The following ENOX2 variants were observed in gnomAD, a reference collection of about 807,000 sequenced individuals.
ENOX2 encodes ecto-NOX disulfide-thiol exchanger 2, also known as APK1 antigen.
A neutral mutation model predicts 45.0 loss-of-function variants in ENOX2; 36 were observed. The ratio of observed to expected loss-of-function variants is 0.80; its 90% CI spans 0.61 to 1.06. The LOEUF is 1.06. ENOX2 is among the 50% of genes least tolerant of loss of function. ENOX2 has a pLI of 0.00. For missense variants in ENOX2, 423 were observed against 462.5 expected, an observed-to-expected ratio of 0.91 and a Z score of 0.78; for synonymous variants, 174 against 152.3, an observed-to-expected ratio of 1.14 and a Z score of -1.05.
intron 2 of ENOX2, among the ~76,000 whole-genome samples, chrX:130,881,618 A>G (rs1053533726): frequency 1.8e-5 from 2 of 111,941 alleles, no homozygotes; most frequent in Non-Finnish European, 1.9e-5. Flanking sequence ...CTTTACATAT[A>G]CCGATTTCTT....
intron 3 of ENOX2, among the ~76,000 whole-genome samples, chrX:130,710,062 A>G (rs1484895190): frequency 9.0e-6 from 1 of 111,719 alleles, no homozygotes; most frequent in Non-Finnish European, 1.9e-5. Flanking sequence ...AATAAGACTA[A>G]TAAGAGTCAA....
rs371681237 is a variant in ENOX2, at chrX:130,820,457, T to C, written c.-182-36767A>G. On this transcript the variant is annotated intron_variant, in intron 2 of 14. Coordinates refer to ENST00000394363, the MANE Select transcript of ENOX2 (RefSeq NM_006375.4). ...CCATATGACCTAGCAATCCCACTTT[T>C]AGGTGTCCATCCAAAGGAAATAAAT... Among the ~76,000 whole-genome samples, 3 of 112,163 alleles carry C rather than the reference T, an allele frequency of 2.7e-5. No homozygotes were observed. The East Asian group carries it at 8.4e-4, about 31-fold the overall frequency.
intron 2 of ENOX2, among the ~76,000 whole-genome samples, chrX:130,860,008 T>C (rs982634460): frequency 2.0e-4 from 22 of 109,143 alleles, no homozygotes; most frequent in Admixed American, 1.5e-3. Flanking sequence ...CAGGCTGGAG[T>C]GCAGTGGCAC....
At chrX:130,888,797 A>C (rs1172906123) in intron 2 of ENOX2, among the ~76,000 whole-genome samples, 1 of 112,075 alleles carries the variant, frequency 8.9e-6, no homozygotes, top group African/African-American at 3.2e-5. Flanking sequence ...GTTTTTGAGA[A>C]AATTTTAAAA....
intron 3 of ENOX2, among the ~76,000 whole-genome samples, chrX:130,733,803 G>A (rs1217513321): frequency 8.9e-6 from 1 of 111,876 alleles, no homozygotes; most frequent in Non-Finnish European, 1.9e-5. Flanking sequence ...TGGGCAATAT[G>A]AGAAACGGAA....
At chrX:130,784,937 A>C (rs1021227276) in intron 2 of ENOX2, among the ~76,000 whole-genome samples, 2 of 109,240 alleles carry the variant, frequency 1.8e-5, no homozygotes, top group African/African-American at 6.7e-5. Flanking sequence ...TAGCTGTACA[A>C]TTCTTGAGGT....
intron 3 of ENOX2, chrX:130,709,229 A>G (rs1293904853): frequency 8.4e-7 from 1 of 1,196,407 alleles, no homozygotes. Flanking sequence ...GCAACTGTAC[A>G]AAGTGGGGCT....
chrX:130,859,361 A>C (rs1176753631), intron 2 of ENOX2, among the ~76,000 whole-genome samples: 1 of 112,402 alleles, frequency 8.9e-6, no homozygotes, highest in East Asian at 2.8e-4. Flanking sequence ...AACAAAACAA[A>C]AAAACAAAAA....
intron 3 of ENOX2, among the ~76,000 whole-genome samples, chrX:130,717,846 C>T (rs1322720190): frequency 3.6e-5 from 4 of 111,677 alleles, no homozygotes; most frequent in Non-Finnish European, 7.5e-5. Flanking sequence ...CCTCCCTAAT[C>T]GCTTCCATCT....
intron 3 of ENOX2, among the ~76,000 whole-genome samples, chrX:130,744,807 C>A (rs1374650381): frequency 4.5e-5 from 5 of 110,990 alleles, no homozygotes; most frequent in Admixed American, 2.9e-4. Flanking sequence ...GGTACCGGTC[C>A]GTGGCCTGTT....
rs546956021 is a variant in ENOX2, at chrX:130,633,029, G to C, written c.1420-1453C>G. 4.8e-4 allele frequency among the ~76,000 whole-genome samples: 54 copies of C among 112,266 alleles called. No homozygotes were observed. In the South Asian group the frequency reaches 0.017, roughly 36 times the overall value. On this transcript the variant is annotated intron_variant, in intron 12 of 14. Transcript: ENST00000394363. The stretch of plus-strand genomic sequence containing the variant: ...TGGGAAGTTTTAGCCATCTTGAATA[G>C]AACTGCAGCCTTCCTTAAACCTGAC...
chrX:130,716,936 G>GGT lies in ENOX2; in HGVS notation c.-38-13684_-38-13683dup, dbSNP rs892987663. Among the ~76,000 whole-genome samples, 9 of 111,369 alleles carry GGT rather than the reference G, an allele frequency of 8.1e-5. No homozygotes were observed. In the East Asian group the frequency reaches 8.4e-4, roughly 10 times the overall value. On this transcript the variant is annotated intron_variant, in intron 3 of 14. Transcript: ENST00000394363. Reference sequence around the variant, plus strand: ...GACATCACCTTTAATCTATTTGTGTGGTGTGTGTGTGTGTTTATTGGCATT... The same window carrying GGT: ...GACATCACCTTTAATCTATTTGTGTGGTGTGTGTGTGTGTGTTTATTGGCATT...
Position 130,783,607 on chromosome X carries a change from C to A in ENOX2, c.-99G>T, listed in dbSNP as rs1017505600. 2 of 327,900 alleles carry A rather than the reference C, an allele frequency of 6.1e-6. No individual in the cohort carries two copies. Among genetic ancestry groups the A allele is most frequent in the Admixed American group, 3.2e-5 (1 of 31,728 alleles). The allele number at this position is 327,900 out of a possible 1,213,427, so 27.0% of individuals were successfully genotyped here. On this transcript the variant is annotated 5_prime_UTR_variant, in exon 3 of 15. The change creates a new upstream start codon in the 5' untranslated region. Coordinates refer to ENST00000394363, the MANE Select transcript of ENOX2 (RefSeq NM_006375.4). ...GATTCCCCTCCATTCTCAATGAGGCCTTCTGTGACCAGAGGGCCACTGGCA... is the reference window on the plus strand; with the variant it reads ...GATTCCCCTCCATTCTCAATGAGGCATTCTGTGACCAGAGGGCCACTGGCA...
intron 3 of ENOX2, among the ~76,000 whole-genome samples, chrX:130,749,570 C>T (rs1437175139): frequency 2.7e-5 from 3 of 110,963 alleles, no homozygotes; most frequent in Non-Finnish European, 5.7e-5. Flanking sequence ...GGGATATTTC[C>T]AAAAAGCAAT....
At chrX:130,791,596 C>T (rs1003290848) in intron 2 of ENOX2, among the ~76,000 whole-genome samples, 11 of 111,845 alleles carry the variant, frequency 9.8e-5, no homozygotes, top group Non-Finnish European at 1.9e-4. Flanking sequence ...ATTTTCAACG[C>T]GCTTATCAGA....
At chrX:130,899,392 C>G (rs2079108457) in intron 2 of ENOX2, among the ~76,000 whole-genome samples, 1 of 111,845 alleles carries the variant, frequency 8.9e-6, no homozygotes, top group African/African-American at 3.3e-5. Flanking sequence ...CTTCTGGATG[C>G]TATGGGTATG....
rs1603289170 is a variant in ENOX2 at position 130,631,504 on chromosome X, T to C, written c.1492A>G (p.Ser498Gly). 2 of 1,203,135 alleles carry C rather than the reference T, an allele frequency of 1.7e-6. No individual in the cohort carries two copies. Among genetic ancestry groups the C allele is most frequent in the African/African-American group, 3.5e-5 (2 of 57,693 alleles). ...EYPLEKTMNS[S>G]PIKSEREALL... ...GCTTCACGTTCAGATTTGATAGGACTGCTGTTCATGGTCTTCTCAAGAGGG... is the reference window on the plus strand; with the variant it reads ...GCTTCACGTTCAGATTTGATAGGACCGCTGTTCATGGTCTTCTCAAGAGGG... Residue 498 changes from serine to glycine, a missense_variant, in exon 13 of 15, where the codon AGT becomes GGT. Physicochemically the swap from Ser to Gly is moderately conservative, Grantham distance 56. This residue lies in a region of ENOX2 where 108 missense variants were observed against 70.6 expected (regional missense o/e 1.53). Transcript: ENST00000394363.
intron 2 of ENOX2, among the ~76,000 whole-genome samples, chrX:130,853,679 T>G (rs1331022456): frequency 9.2e-6 from 1 of 108,795 alleles, no homozygotes; most frequent in African/African-American, 3.4e-5. Context: ...CCTACGGGGG[T>G]GGTGTATCAA....
rs1412088945 is a variant in ENOX2 at position 130,852,348 on chromosome X, G to A, written c.-183+49336C>T. On this transcript the variant is annotated intron_variant, in intron 2 of 14. Transcript: ENST00000394363. ...TGCCAATGACTTTTCTAGGCAATGGGAATACAAAAGTGAACAAAACACAGC... is the reference window on the plus strand; with the variant it reads ...TGCCAATGACTTTTCTAGGCAATGGAAATACAAAAGTGAACAAAACACAGC... 3.6e-5 allele frequency among the ~76,000 whole-genome samples: 4 copies of A among 111,764 alleles called. No homozygotes were observed. In the Admixed American group the frequency reaches 3.8e-4, roughly 11 times the overall value.
Sources: allele counts gnomAD v4.1 joint callset (sites outside exome capture counted in the v4.1 genomes callset), GRCh38; gene constraint gnomAD v4.1.1; regional missense constraint gnomAD v4.1.1; transcripts MANE v1.5; gene names NCBI Gene and HGNC (gene_info 2026-07-23, HGNC 2026-07-21).